The following MCTP2 variants were observed in gnomAD, a reference collection of about 807,000 sequenced individuals.
MCTP2 encodes multiple C2 and transmembrane domain containing 2.
MCTP2 carries 132 observed loss-of-function variants against 111.6 expected under a neutral mutation model. The observed-to-expected ratio is 1.18, with a 90% CI of 1.03 to 1.37. The LOEUF (loss-of-function observed/expected upper bound fraction) is 1.37. Among genes scored for constraint, MCTP2 ranks in the 40% most tolerant of loss-of-function variants. The pLI, the probability that MCTP2 is intolerant of heterozygous loss-of-function variation, is 0.00. For missense variants in MCTP2, 1,183 were observed against 1,067.9 expected (o/e 1.11, Z -1.50); for synonymous variants, 395 against 387.7 (o/e 1.02, Z -0.22).
intron 4 of MCTP2, among the ~76,000 whole-genome samples, chr15:94,315,860 T>G (rs1478635097): frequency 6.6e-6 from 1 of 152,206 alleles, no homozygotes; most frequent in African/African-American, 2.4e-5. Flanking sequence ...AATCATCACG[T>G]GAAGTTGTTT....
At chr15:94,308,151 G>A (rs1181462797) in intron 2 of MCTP2, among the ~76,000 whole-genome samples, 1 of 152,158 alleles carries the variant, frequency 6.6e-6, no homozygotes, top group Non-Finnish European at 1.5e-5. Context: ...TACCCTCTGA[G>A]TGATTTAATT....
chr15:94,255,885 T>G (rs1398709187), intron 1 of MCTP2, among the ~76,000 whole-genome samples: 1 of 152,028 alleles, frequency 6.6e-6, no homozygotes, highest in Non-Finnish European at 1.5e-5. Context: ...CTTAGGAAAA[T>G]TTTTTTTGTT....
At chr15:94,239,226 C>T (rs2070769704) in intron 1 of MCTP2, among the ~76,000 whole-genome samples, 2 of 152,020 alleles carry the variant, frequency 1.3e-5, no homozygotes, top group South Asian at 4.2e-4. Context: ...CTACAATAAC[C>T]ATTATTGCTA....
intron 1 of MCTP2, among the ~76,000 whole-genome samples, chr15:94,252,364 A>G (rs1022563864): frequency 2.0e-5 from 3 of 152,188 alleles, no homozygotes; most frequent in African/African-American, 7.2e-5. Flanking sequence ...TTCCCTAAGA[A>G]TTAGTGATAT....
chr15:94,368,841 G>C (rs1194161435), intron 11 of MCTP2, among the ~76,000 whole-genome samples: 1 of 152,196 alleles, frequency 6.6e-6, no homozygotes, highest in Non-Finnish European at 1.5e-5. Context: ...AGGAACATTA[G>C]ATACCATCAT....
chr15:94,313,047 G>A (rs1396940008), intron 2 of MCTP2, among the ~76,000 whole-genome samples: 6 of 152,230 alleles, frequency 3.9e-5, no homozygotes, highest in Middle Eastern at 3.4e-3. Flanking sequence ...CATTGTCTCC[G>A]GGGCTGCCTC....
In MCTP2 at chr15:94,298,217, C is replaced by T. The variant is rs199642819; in HGVS notation, c.-49C>T. On this transcript the variant is annotated 5_prime_UTR_variant, in exon 2 of 23. Coordinates refer to ENST00000357742, the MANE Select transcript of MCTP2 (RefSeq NM_001385001.1). ...GTTTTATAGGAGTCATTGCAGTTTT[C>T]AGTAGAGGTGTACTTCTGAGAAGTG... The T allele has an allele frequency of 6.9e-6, 9 of 1,306,156 alleles. No individual in the cohort carries two copies. Among genetic ancestry groups the T allele is most frequent in the East Asian group, 5.0e-5 (2 of 39,962 alleles). 80.9% of individuals were successfully genotyped at this position (1,306,156 alleles called of 1,614,324 possible).
At chr15:94,259,872 A>G (rs181027858) in intron 1 of MCTP2, among the ~76,000 whole-genome samples, 119 of 152,166 alleles carry the variant, frequency 7.8e-4, no homozygotes, top group African/African-American at 2.7e-3. Flanking sequence ...TTTGTAAACT[A>G]TTGTTATTGT....
chr15:94,293,511 G>A (rs560617419), intron 1 of MCTP2, among the ~76,000 whole-genome samples: 2 of 152,150 alleles, frequency 1.3e-5, no homozygotes, highest in Non-Finnish European at 1.5e-5. Context: ...ATAATACTGG[G>A]TTTTTCAGTA....
chr15:94,353,681 T>C (rs928267129), intron 8 of MCTP2, among the ~76,000 whole-genome samples: 26 of 152,184 alleles, frequency 1.7e-4, no homozygotes, highest in African/African-American at 6.0e-4. Flanking sequence ...CTTTGAAGCA[T>C]GGCCGTGGGA....
At position 94,453,720 on chromosome 15, in the gene MCTP2, A is replaced by ATAG. The variant is rs575160038; in HGVS notation, c.2251-4414_2251-4412dup. On this transcript the variant is annotated intron_variant, in intron 19 of 22. Coordinates refer to ENST00000357742, the MANE Select transcript of MCTP2 (RefSeq NM_001385001.1). ...ATATTTAATGAATAATCATGTACAG[A>ATAG]TAGTACATTTCTTAAGACAGTTGTT... is the stretch of plus-strand genomic sequence containing the variant. 1.2e-4 allele frequency among the ~76,000 whole-genome samples: 19 copies of ATAG among 152,320 alleles called. No individual in the cohort carries two copies. In the South Asian group the frequency reaches 3.7e-3, roughly 30 times the overall value.
At chr15:94,467,675 C>T (rs1479387397) in intron 20 of MCTP2, among the ~76,000 whole-genome samples, 1 of 152,000 alleles carries the variant, frequency 6.6e-6, no homozygotes, top group Non-Finnish European at 1.5e-5. Context: ...TATTACTAAC[C>T]AGCCTGGAGA....
intron 4 of MCTP2, among the ~76,000 whole-genome samples, chr15:94,324,240 GTC>G (rs2076751828): frequency 6.6e-6 from 1 of 152,224 alleles, no homozygotes; most frequent in African/African-American, 2.4e-5. Flanking sequence ...ATATGGGCAG[GTC>G]TCTCGTCCTG....
At chr15:94,285,396 G>A (rs543526151) in intron 1 of MCTP2, among the ~76,000 whole-genome samples, 17 of 152,300 alleles carry the variant, frequency 1.1e-4, no homozygotes, top group African/African-American at 3.6e-4. Flanking sequence ...ATCACTTAGC[G>A]TGGTGGGGAA....
intron 1 of MCTP2, among the ~76,000 whole-genome samples, chr15:94,265,917 G>A (rs2073494026): frequency 6.6e-6 from 1 of 152,116 alleles, no homozygotes; most frequent in Non-Finnish European, 1.5e-5. Flanking sequence ...GAAAGCTCAC[G>A]CTGGGAGTGT....
At chr15:94,267,869 C>CTTTCTTTTTTTTTTTTT (rs1555443740) in intron 1 of MCTP2, among the ~76,000 whole-genome samples, 1 of 77,454 alleles carries the variant, frequency 1.3e-5, no homozygotes, top group African/African-American at 5.7e-5. Flanking sequence ...CCTTTTCTTT[C>CTTTCTTTTTTTTTTTTT]TTTTTTTTTT....
At chr15:94,384,504 G>A (rs1324857944) in intron 13 of MCTP2, among the ~76,000 whole-genome samples, 2 of 152,100 alleles carry the variant, frequency 1.3e-5, no homozygotes, top group East Asian at 3.9e-4. Flanking sequence ...GATTATCTGT[G>A]ACTCCTTAGA....
intron 12 of MCTP2, among the ~76,000 whole-genome samples, chr15:94,370,743 C>G (rs940396083): frequency 1.3e-5 from 2 of 152,160 alleles, no homozygotes; most frequent in African/African-American, 4.8e-5. Flanking sequence ...GGATTATGCT[C>G]TGCTGCACGT....
chr15:94,390,188 A>G (rs1467085379), intron 14 of MCTP2, among the ~76,000 whole-genome samples: 2 of 150,152 alleles, frequency 1.3e-5, no homozygotes, highest in African/African-American at 4.9e-5. Context: ...CCTTCCATAT[A>G]TTTCATTTGT....
Sources: allele counts gnomAD v4.1 joint callset (sites outside exome capture counted in the v4.1 genomes callset), GRCh38; gene constraint gnomAD v4.1.1; transcripts MANE v1.5; gene names NCBI Gene and HGNC (gene_info 2026-07-23, HGNC 2026-07-21).